Variants in CASP8 observed in about 807,000 individuals in gnomAD.
CASP8 encodes the protein caspase-8.
A neutral mutation model predicts 46.3 loss-of-function variants in CASP8; 24 were observed. The observed-to-expected ratio is 0.52, with a 90% CI of 0.38 to 0.73. The LOEUF (loss-of-function observed/expected upper bound fraction) is 0.73. Among genes scored for constraint, CASP8 ranks in the 30% least tolerant of loss-of-function variants. The probability of loss-of-function intolerance (pLI) is 0.00; values close to 1 mark genes in which losing one functional copy is unlikely to be tolerated. For synonymous variants in CASP8, 188 were observed against 200.4 expected, an observed-to-expected ratio of 0.94 and a Z score of 0.52; for missense variants, 460 against 559.0, an observed-to-expected ratio of 0.82 and a Z score of 1.79.
At chr2:201,264,273 A>G (rs963061601) in intron 1 of CASP8, among the ~76,000 whole-genome samples, 1 of 152,184 alleles carries the variant, frequency 6.6e-6, no homozygotes, top group African/African-American at 2.4e-5. Flanking sequence ...TTTTGAGTAT[A>G]CTTGTTTAAG....
chr2:201,277,088 C>T (rs1463297040), intron 7 of CASP8, 120 bp downstream of exon 7: 1 of 739,044 alleles, frequency 1.4e-6, no homozygotes, highest in Non-Finnish European at 2.4e-6. Flanking sequence ...TGGATTTAAA[C>T]ATATTTCCCT....
At chr2:201,275,956 C>G (rs1948605231) in intron 6 of CASP8, among the ~76,000 whole-genome samples, 1 of 152,246 alleles carries the variant, frequency 6.6e-6, no homozygotes, top group East Asian at 1.9e-4. Flanking sequence ...ATAATAAAAA[C>G]TTAACATACT....
chr2:201,285,365 C>T, intron 8 of CASP8, 48 bp downstream of exon 8: 1 of 1,601,740 alleles, frequency 6.2e-7, no homozygotes, highest in Non-Finnish European at 8.5e-7. Flanking sequence ...TACCTTCCCC[C>T]CCTACTCCAT....
chr2:201,237,472 A>T (rs1373123444), intron 2 of CASP8, among the ~76,000 whole-genome samples: 1 of 151,684 alleles, frequency 6.6e-6, no homozygotes, highest in Non-Finnish European at 1.5e-5. Context: ...AAAAGAAAAG[A>T]AAAAAGAAAA....
chr2:201,269,550 C>A (rs1948093913), intron 2 of CASP8: 1 of 1,613,506 alleles, frequency 6.2e-7, no homozygotes, highest in Admixed American at 1.7e-5. Context: ...AGCAAACAGC[C>A]AGTGCCAGAC....
intron 2 of CASP8, among the ~76,000 whole-genome samples, chr2:201,238,284 C>T (rs1170630703): frequency 1.3e-5 from 2 of 152,140 alleles, no homozygotes; most frequent in African/African-American, 2.4e-5. Context: ...GGAACTTGCT[C>T]TGTTTGAGAG....
chr2:201,275,245 GCAGCCGTGC>G (rs1215167681), intron 6 of CASP8, among the ~76,000 whole-genome samples: 49 of 152,104 alleles, frequency 3.2e-4, no homozygotes, highest in Non-Finnish European at 5.9e-4. Context: ...AAATCTTCTA[GCAGCCGTGC>G]CAGCCTGGAT....
At chr2:201,235,664 C>T (rs994367537) in intron 2 of CASP8, among the ~76,000 whole-genome samples, 1 of 152,046 alleles carries the variant, frequency 6.6e-6, no homozygotes, top group Non-Finnish European at 1.5e-5. Flanking sequence ...GATTGATATA[C>T]AACAAATGGC....
At chr2:201,235,462 CG>C (rs1468398743) in intron 2 of CASP8, among the ~76,000 whole-genome samples, 1 of 151,896 alleles carries the variant, frequency 6.6e-6, no homozygotes, top group Non-Finnish European at 1.5e-5. Context: ...GTTTTTTATT[CG>C]TGGCATCAAT....
chr2:201,258,467 G>T, upstream of CASP8: 2 of 1,550,174 alleles, frequency 1.3e-6, no homozygotes, highest in Non-Finnish European at 1.8e-6. Flanking sequence ...CAGGGCTGTG[G>T]GGGTGGGGAA....
chr2:201,273,182 T>C (rs545127770), intron 5 of CASP8, among the ~76,000 whole-genome samples: 31 of 151,736 alleles, frequency 2.0e-4, no homozygotes, highest in Admixed American at 1.2e-3. Context: ...CTCAGCCTCC[T>C]GAGAAGCTGG....
intron 2 of CASP8, chr2:201,242,159 A>G (rs1946326915): frequency 6.6e-6 from 1 of 152,240 alleles, no homozygotes; most frequent in South Asian, 2.1e-4. Flanking sequence ...ACAAAGCTAT[A>G]GTAATTGAAA....
chr2:201,261,843 A>C (rs961430495), intron 1 of CASP8: 1 of 152,182 alleles, frequency 6.6e-6, no homozygotes, highest in African/African-American at 2.4e-5. Context: ...AAGAGCTAGG[A>C]TGCTGCTAGA....
intron 2 of CASP8, among the ~76,000 whole-genome samples, chr2:201,244,530 G>A (rs1946429550): frequency 6.6e-6 from 1 of 152,084 alleles, no homozygotes; most frequent in African/African-American, 2.4e-5. Context: ...CTCCAGGGAG[G>A]TGGGCTGTAA....
chr2:201,247,011 A>C (rs1240882713), intron 2 of CASP8, among the ~76,000 whole-genome samples: 1 of 151,922 alleles, frequency 6.6e-6, no homozygotes, highest in Non-Finnish European at 1.5e-5. Context: ...CCTGGCCAAG[A>C]TGGTGAAACC....
chr2:201,239,024 C>T (rs1946179020), intron 2 of CASP8, among the ~76,000 whole-genome samples: 2 of 152,076 alleles, frequency 1.3e-5, no homozygotes, highest in Non-Finnish European at 2.9e-5. Flanking sequence ...CTTGCACCGC[C>T]CTTAATCCAT....
At chr2:201,249,253 A>G (rs550742566) in intron 2 of CASP8, among the ~76,000 whole-genome samples, 1 of 152,362 alleles carries the variant, frequency 6.6e-6, no homozygotes, top group African/African-American at 2.4e-5. Flanking sequence ...TTGTGTGGGT[A>G]GGAAATCAAG....
intron 2 of CASP8, among the ~76,000 whole-genome samples, chr2:201,252,925 A>G (rs531342970): frequency 6.6e-6 from 1 of 152,324 alleles, no homozygotes; most frequent in East Asian, 1.9e-4. Flanking sequence ...TTCTTTACAG[A>G]AAGTGAGGAG....
chr2:201,275,966 T>G (rs1559362014), intron 6 of CASP8, among the ~76,000 whole-genome samples: 1 of 152,198 alleles, frequency 6.6e-6, no homozygotes, highest in Non-Finnish European at 1.5e-5. Context: ...CTTAACATAC[T>G]TGGTACAAAC....
Sources: allele counts gnomAD v4.1 joint callset (sites outside exome capture counted in the v4.1 genomes callset), GRCh38; gene constraint gnomAD v4.1.1; transcripts MANE v1.5; gene names NCBI Gene and HGNC (gene_info 2026-07-23, HGNC 2026-07-21).